Variants in NSUN6 observed in about 807,000 individuals in gnomAD.
NSUN6 encodes the protein tRNA (cytosine(72)-C(5))-methyltransferase NSUN6.
Under a neutral mutation model 58.0 loss-of-function variants are expected in NSUN6, and 64 were observed. That is an observed-to-expected ratio of 1.10 (90% CI 0.90 to 1.36). The LOEUF (loss-of-function observed/expected upper bound fraction) is 1.36. Ranked by LOEUF, NSUN6 falls within the 40% of genes most tolerant of loss-of-function variation. The pLI, the probability that NSUN6 is intolerant of heterozygous loss-of-function variation, is 0.00. For synonymous variants in NSUN6, 231 were observed against 193.9 expected (o/e 1.19, Z -1.59); for missense variants, 701 against 550.1 (o/e 1.27, Z -2.74).
chr10:18,573,652 T>C (rs780993292), intron 8 of NSUN6, among the ~76,000 whole-genome samples: 71 of 152,170 alleles, frequency 4.7e-4, no homozygotes, highest in Non-Finnish European at 6.8e-4. Flanking sequence ...GATGAAGATA[T>C]AGGGAAGGTA....
At chr10:18,607,933 A>T (rs1338845409) in intron 6 of NSUN6, among the ~76,000 whole-genome samples, 1 of 152,252 alleles carries the variant, frequency 6.6e-6, no homozygotes, top group Non-Finnish European at 1.5e-5. Context: ...GAAGTAAATG[A>T]AATAATATAT....
rs190871446 is a variant in NSUN6 at position 18,600,524 on chromosome 10, C to T, written c.658-4197G>A. On this transcript the variant is annotated intron_variant, in intron 6 of 10. Transcript: ENST00000377304. ...CCTATAGTACCAGCTCCTTGGGAGG[C>T]TGAGGCAGGAAGATCACTTGAGCCT... Among the ~76,000 whole-genome samples, 720 of 152,180 alleles carry T rather than the reference C, an allele frequency of 4.7e-3. 3 individuals are homozygous for T. The highest frequency in any genetic ancestry group is 0.014 in the African/African-American group (597 of 41,518).
intron 3 of NSUN6, among the ~76,000 whole-genome samples, chr10:18,640,906 T>C (rs1342495775): frequency 2.0e-5 from 3 of 151,778 alleles, no homozygotes; most frequent in African/African-American, 4.8e-5. Flanking sequence ...TCCTTTTATT[T>C]CCCCCCTCTC....
At chr10:18,572,427 CCCATTCCATTGT>C (rs779765713) in intron 8 of NSUN6, among the ~76,000 whole-genome samples, 4 of 149,712 alleles carry the variant, frequency 2.7e-5, no homozygotes, top group South Asian at 2.1e-4. Context: ...TATTCCATTC[CCCATTCCATTGT>C]CCATTCCATT....
rs2057442269 is a variant in NSUN6, at chr10:18,593,123, C to G, written c.777+3085G>C. On this transcript the variant is annotated intron_variant, in intron 7 of 10. Transcript: ENST00000377304. Reference sequence around the variant, plus strand: ...TGAAAAAAAGCTCGTCATCACTGGTCATTAGAGAAATGCAAATCAAAACCA... The same window carrying G: ...TGAAAAAAAGCTCGTCATCACTGGTGATTAGAGAAATGCAAATCAAAACCA... 2.6e-5 allele frequency among the ~76,000 whole-genome samples: 4 copies of G among 152,178 alleles called. No individual in the cohort carries two copies. In the South Asian group the frequency reaches 8.3e-4, roughly 32 times the overall value.
At chr10:18,651,021 AGG>A in intron 1 of NSUN6, 106 bp downstream of exon 1, 1 of 1,327,998 alleles carries the variant, frequency 7.5e-7, no homozygotes, top group Non-Finnish European at 1.0e-6. Context: ...ACAAGTAGTA[AGG>A]AACGACGGCT....
intron 7 of NSUN6, 148 bp from the exon 8 acceptor site, chr10:18,586,241 C>T (rs1339640503): frequency 1.6e-6 from 1 of 637,470 alleles, no homozygotes; most frequent in Admixed American, 3.5e-5. Flanking sequence ...ATCCATTAAC[C>T]AAATGTATGT....
upstream of NSUN6, chr10:18,658,691 A>G: frequency 9.2e-6 from 9 of 980,790 alleles, no homozygotes; most frequent in Non-Finnish European, 1.1e-5. Context: ...TCTCCCAATC[A>G]ATTCTTTTCA....
chr10:18,583,978 A>T (rs1423496635), intron 8 of NSUN6, among the ~76,000 whole-genome samples: 1 of 152,164 alleles, frequency 6.6e-6, no homozygotes, highest in Non-Finnish European at 1.5e-5. Context: ...TCCCCTCACC[A>T]GACATACCCT....
At chr10:18,575,119 G>A (rs548923473) in intron 8 of NSUN6, among the ~76,000 whole-genome samples, 9 of 152,186 alleles carry the variant, frequency 5.9e-5, no homozygotes, top group Non-Finnish European at 1.2e-4. Flanking sequence ...AACCCCTTAT[G>A]AGGGACGTCT....
chr10:18,645,577 T>G (rs1487836391), intron 2 of NSUN6, among the ~76,000 whole-genome samples: 1 of 152,242 alleles, frequency 6.6e-6, no homozygotes, highest in East Asian at 1.9e-4. Flanking sequence ...TAATTTTTAT[T>G]GCTGAAGGAT....
chr10:18,645,145 G>A (rs1394161188), intron 2 of NSUN6, among the ~76,000 whole-genome samples: 26 of 135,700 alleles, frequency 1.9e-4, no homozygotes, highest in African/African-American at 5.9e-4. Context: ...CTGACAGAGC[G>A]AGACTCCCTC....
intron 2 of NSUN6, among the ~76,000 whole-genome samples, chr10:18,645,953 G>C (rs1330140620): frequency 6.6e-6 from 1 of 152,124 alleles, no homozygotes; most frequent in African/African-American, 2.4e-5. Context: ...CCAACATTTT[G>C]GGAAGCCAAG....
At chr10:18,586,928 G>A (rs1321757304) in intron 7 of NSUN6, among the ~76,000 whole-genome samples, 1 of 152,126 alleles carries the variant, frequency 6.6e-6, no homozygotes. Context: ...ACAGAGCACT[G>A]ATTGGTGCGT....
upstream of NSUN6, chr10:18,652,583 T>G (rs946214654): frequency 2.0e-6 from 2 of 982,652 alleles, no homozygotes; most frequent in African/African-American, 1.8e-5. Context: ...TTTTTTTTTT[T>G]TTTTTGAGTC....
chr10:18,546,424 C>T (rs904046093), intron 10 of NSUN6, among the ~76,000 whole-genome samples: 6 of 152,146 alleles, frequency 3.9e-5, no homozygotes, highest in Non-Finnish European at 8.8e-5. Context: ...TAGTTGGAAA[C>T]AAGTGGACTC....
chr10:18,609,131 A>G (rs1440053118), intron 6 of NSUN6, among the ~76,000 whole-genome samples: 1 of 152,158 alleles, frequency 6.6e-6, no homozygotes, highest in Non-Finnish European at 1.5e-5. Flanking sequence ...CCACAAAGTG[A>G]GACCCCATCT....
intron 3 of NSUN6, among the ~76,000 whole-genome samples, chr10:18,628,332 C>G (rs1288807825): frequency 6.6e-6 from 1 of 152,158 alleles, no homozygotes; most frequent in Admixed American, 6.5e-5. Context: ...ACTGGAAACT[C>G]TAAAAAGCAG....
At chr10:18,612,808 T>C (rs1330215086) in intron 5 of NSUN6, among the ~76,000 whole-genome samples, 1 of 152,224 alleles carries the variant, frequency 6.6e-6, no homozygotes, top group Admixed American at 6.5e-5. Context: ...TATCTCCATA[T>C]AATAATGCAA....
Sources: allele counts gnomAD v4.1 joint callset (sites outside exome capture counted in the v4.1 genomes callset), GRCh38; gene constraint gnomAD v4.1.1; transcripts MANE v1.5; gene names NCBI Gene and HGNC (gene_info 2026-07-23, HGNC 2026-07-21).